The following FAM107B variants were observed in gnomAD, a reference collection of about 807,000 sequenced individuals.
FAM107B encodes the protein family with sequence similarity 107 member B, also known as protein FAM107B.
A neutral mutation model predicts 31.5 loss-of-function variants in FAM107B; 21 were observed. The ratio of observed to expected loss-of-function variants is 0.67; its 90% confidence interval spans 0.47 to 0.96. The LOEUF (loss-of-function observed/expected upper bound fraction) is 0.96. Ranked by LOEUF, FAM107B falls within the 40% of genes least tolerant of loss-of-function variation. FAM107B has a pLI of 0.00. For missense variants in FAM107B, 452 were observed against 377.1 expected (o/e 1.20, Z -1.64); for synonymous variants, 157 against 141.5 (o/e 1.11, Z -0.78).
At chr10:14,692,223 G>T (rs1201542046) in intron 1 of FAM107B, among the ~76,000 whole-genome samples, 1 of 152,144 alleles carries the variant, frequency 6.6e-6, no homozygotes. Context: ...AAAGAAAGGA[G>T]AAGGGACAAG....
At chr10:14,623,506 C>T (rs756013495) in intron 2 of FAM107B, among the ~76,000 whole-genome samples, 1 of 152,194 alleles carries the variant, frequency 6.6e-6, no homozygotes, top group African/African-American at 2.4e-5. Flanking sequence ...GAGGAGGAGT[C>T]GGGAGAGCTC....
chr10:14,567,601 C>A (rs1425711742), intron 2 of FAM107B, among the ~76,000 whole-genome samples: 4 of 152,144 alleles, frequency 2.6e-5, no homozygotes. Context: ...CATGGGTGGG[C>A]CGCCCAATCC....
chr10:14,657,518 C>T (rs183855289), intron 2 of FAM107B, among the ~76,000 whole-genome samples: 19 of 152,284 alleles, frequency 1.2e-4, no homozygotes, highest in East Asian at 5.8e-4. Flanking sequence ...TTCACCCCCA[C>T]CCCTGGTCAC....
intron 1 of FAM107B, among the ~76,000 whole-genome samples, chr10:14,753,201 C>G (rs531915922): frequency 6.6e-6 from 1 of 152,186 alleles, no homozygotes; most frequent in African/African-American, 2.4e-5. Context: ...AGAGCACACA[C>G]GCATGTTCAC....
intron 1 of FAM107B, among the ~76,000 whole-genome samples, chr10:14,675,957 A>G (rs936968241): frequency 6.6e-6 from 1 of 152,204 alleles, no homozygotes; most frequent in African/African-American, 2.4e-5. Flanking sequence ...CAGGAGTTCA[A>G]GACCAGCCTA....
intron 2 of FAM107B, among the ~76,000 whole-genome samples, chr10:14,666,063 T>C (rs1222692212): frequency 6.6e-6 from 1 of 152,138 alleles, no homozygotes; most frequent in Non-Finnish European, 1.5e-5. Context: ...CTACTATGTA[T>C]CAGGCACTGT....
At chr10:14,563,511 T>C (rs924426390) in intron 2 of FAM107B, among the ~76,000 whole-genome samples, 4 of 152,232 alleles carry the variant, frequency 2.6e-5, no homozygotes, top group African/African-American at 2.4e-5. Context: ...ATTACATGAA[T>C]GTATTATAGG....
At chr10:14,727,356 C>T (rs143515048) in intron 1 of FAM107B, among the ~76,000 whole-genome samples, 1 of 152,166 alleles carries the variant, frequency 6.6e-6, no homozygotes, top group African/African-American at 2.4e-5. Context: ...CCATCATGCT[C>T]GGGTTTTCAT....
intron 2 of FAM107B, chr10:14,572,202 G>T: frequency 1.0e-6 from 1 of 985,374 alleles, no homozygotes; most frequent in South Asian, 4.7e-5. Flanking sequence ...AAAACAAACC[G>T]TACCAACTCT....
chr10:14,673,253 T>C (rs578072769), intron 1 of FAM107B, among the ~76,000 whole-genome samples: 15 of 152,284 alleles, frequency 9.9e-5, no homozygotes, highest in African/African-American at 3.6e-4. Flanking sequence ...TGGCTGTAAT[T>C]TTGTACTCAT....
chr10:14,682,597 T>C (rs927746270), intron 1 of FAM107B, among the ~76,000 whole-genome samples: 1 of 152,138 alleles, frequency 6.6e-6, no homozygotes, highest in Non-Finnish European at 1.5e-5. Context: ...TGCAGGGATA[T>C]GGATGAAGCT....
chr10:14,617,804 G>T (rs1852891949), intron 2 of FAM107B, among the ~76,000 whole-genome samples: 1 of 151,072 alleles, frequency 6.6e-6, no homozygotes, highest in African/African-American at 2.4e-5. Context: ...CCCAGAGTTT[G>T]GTGCCTAATT....
At chr10:14,681,572 C>T (rs1418548482) in intron 1 of FAM107B, among the ~76,000 whole-genome samples, 1 of 152,172 alleles carries the variant, frequency 6.6e-6, no homozygotes, top group East Asian at 1.9e-4. Context: ...CCCCTCGTCA[C>T]ATGCTCATGA....
At chr10:14,716,904 A>G (rs1855793048) in intron 1 of FAM107B, among the ~76,000 whole-genome samples, 1 of 152,142 alleles carries the variant, frequency 6.6e-6, no homozygotes, top group Non-Finnish European at 1.5e-5. Context: ...AACCTGGCCA[A>G]CATGGTGAAA....
chr10:14,769,463 C>T (rs1010032232), intron 1 of FAM107B, among the ~76,000 whole-genome samples: 1 of 152,224 alleles, frequency 6.6e-6, no homozygotes, highest in Non-Finnish European at 1.5e-5. Flanking sequence ...CGGCTCACTG[C>T]AACCTCAGCC....
At chr10:14,676,323 C>T (rs1854682486) in intron 1 of FAM107B, among the ~76,000 whole-genome samples, 1 of 152,178 alleles carries the variant, frequency 6.6e-6, no homozygotes, top group African/African-American at 2.4e-5. Context: ...TGCATTACTA[C>T]TAATAAAAAT....
intron 1 of FAM107B, among the ~76,000 whole-genome samples, chr10:14,729,167 T>C (rs569789079): frequency 1.3e-5 from 2 of 152,068 alleles, no homozygotes; most frequent in African/African-American, 4.8e-5. Context: ...TATTTTTTTT[T>C]ATTTTCATTT....
At chr10:14,721,657 T>C (rs571024179) in intron 1 of FAM107B, among the ~76,000 whole-genome samples, 72 of 152,354 alleles carry the variant, frequency 4.7e-4, no homozygotes, top group African/African-American at 1.6e-3. Flanking sequence ...TTGAGAAGTG[T>C]CTGTTCATAT....
At chr10:14,725,664 TG>T (rs1411176776) in intron 1 of FAM107B, among the ~76,000 whole-genome samples, 1 of 152,084 alleles carries the variant, frequency 6.6e-6, no homozygotes, top group Non-Finnish European at 1.5e-5. Flanking sequence ...TAACTCTTCT[TG>T]TAAGTGTCTA....
Sources: allele counts gnomAD v4.1 joint callset (sites outside exome capture counted in the v4.1 genomes callset), GRCh38; gene constraint gnomAD v4.1.1; transcripts MANE v1.5; gene names NCBI Gene and HGNC (gene_info 2026-07-23, HGNC 2026-07-21).